Variants in PTPRR observed in about 807,000 individuals in gnomAD.
PTPRR encodes protein tyrosine phosphatase receptor type R.
A neutral mutation model predicts 77.2 loss-of-function variants in PTPRR; 38 were observed. The ratio of observed to expected loss-of-function variants is 0.49; its 90% CI spans 0.38 to 0.65. The LOEUF (loss-of-function observed/expected upper bound fraction) is 0.65, where lower values mean the gene tolerates loss of function less well. Among genes scored for constraint, PTPRR ranks in the 30% least tolerant of loss-of-function variants. The pLI, the probability that PTPRR is intolerant of heterozygous loss-of-function variation, is 0.00. For missense variants in PTPRR, 744 were observed against 799.2 expected, an observed-to-expected ratio of 0.93 and a Z score of 0.83; for synonymous variants, 299 against 283.1, an observed-to-expected ratio of 1.06 and a Z score of -0.57.
intron 1 of PTPRR, among the ~76,000 whole-genome samples, chr12:70,917,240 G>A (rs73333934): frequency 2.1e-4 from 32 of 152,196 alleles, no homozygotes; most frequent in Non-Finnish European, 3.7e-4. Flanking sequence ...TATTAAACTG[G>A]TTCACGAAAG....
intron 13 of PTPRR, among the ~76,000 whole-genome samples, chr12:70,641,968 C>A (rs1368615284): frequency 6.6e-6 from 1 of 152,164 alleles, no homozygotes; most frequent in East Asian, 1.9e-4. Context: ...TATTTCTGTA[C>A]AGCCTGGTTT....
chr12:70,754,745 AG>A, intron 4 of PTPRR: 1 of 1,560,132 alleles, frequency 6.4e-7, no homozygotes, highest in Non-Finnish European at 8.6e-7. Flanking sequence ...TGCAAACAAA[AG>A]CTTGTGGTGC....
At chr12:70,856,805 A>G (rs1053195505) in intron 2 of PTPRR, among the ~76,000 whole-genome samples, 3 of 146,728 alleles carry the variant, frequency 2.0e-5, no homozygotes, top group African/African-American at 7.5e-5. Context: ...AGGCAGGAAG[A>G]GAGAGAGAGA....
intron 2 of PTPRR, among the ~76,000 whole-genome samples, chr12:70,787,850 C>T (rs968124975): frequency 3.3e-5 from 5 of 152,104 alleles, no homozygotes; most frequent in Non-Finnish European, 1.5e-5. Flanking sequence ...GATGTAAACA[C>T]CAGATGCATT....
At chr12:70,830,650 T>C (rs1458630239) in intron 2 of PTPRR, among the ~76,000 whole-genome samples, 2 of 152,234 alleles carry the variant, frequency 1.3e-5, no homozygotes, top group Non-Finnish European at 2.9e-5. Flanking sequence ...GACAACACCA[T>C]TGCCAAACCA....
At chr12:70,759,936 A>G (rs1890655247) in intron 4 of PTPRR, among the ~76,000 whole-genome samples, 1 of 152,136 alleles carries the variant, frequency 6.6e-6, no homozygotes, top group Non-Finnish European at 1.5e-5. Flanking sequence ...TTAGGAGGGC[A>G]TGGCCAAATT....
rs1036748230 is a variant in PTPRR at position 70,804,386 on chromosome 12, T to C, written c.358-39608A>G. ...GCCTTGGCAACATGGCAAAACCCTGTCTCTACCAAAAAATATATAAAAATT... is the reference window on the plus strand; with the variant it reads ...GCCTTGGCAACATGGCAAAACCCTGCCTCTACCAAAAAATATATAAAAATT... On this transcript the variant is annotated intron_variant, in intron 2 of 13. Transcript: ENST00000283228. Among the ~76,000 whole-genome samples the C allele has an allele frequency of 5.9e-5, 9 of 152,042 alleles. No homozygotes were observed. In the East Asian group the frequency reaches 1.5e-3, roughly 26 times the overall value.
In PTPRR at chr12:70,745,269, C is replaced by A. The variant is rs137957182; in HGVS notation, c.1007+549G>T. Reference sequence around the variant, plus strand: ...TCTTGAACTCCTGGCCTCAAGTGATCCACCCACCTCAGCCTCCCAAAGTAC... The same window carrying A: ...TCTTGAACTCCTGGCCTCAAGTGATACACCCACCTCAGCCTCCCAAAGTAC... On this transcript the variant is annotated intron_variant, in intron 6 of 13. Transcript: ENST00000283228. 6.6e-3 allele frequency among the ~76,000 whole-genome samples: 1,011 copies of A among 152,272 alleles called. 12 individuals are homozygous for A. Among genetic ancestry groups the A allele is most frequent in the African/African-American group, 0.023 (950 of 41,542 alleles).
chr12:70,666,605 C>T (rs1028938199), intron 10 of PTPRR, among the ~76,000 whole-genome samples: 2 of 152,120 alleles, frequency 1.3e-5, no homozygotes, highest in African/African-American at 4.8e-5. Flanking sequence ...AAGAAAACTA[C>T]AGTCAAATCA....
chr12:70,685,531 T>C (rs1042349263), intron 8 of PTPRR, among the ~76,000 whole-genome samples: 13 of 149,838 alleles, frequency 8.7e-5, no homozygotes, highest in Non-Finnish European at 1.6e-4. Flanking sequence ...ATGTCTGTGG[T>C]TCCAGCTACT....
intron 6 of PTPRR, among the ~76,000 whole-genome samples, chr12:70,705,620 G>T (rs1006619903): frequency 5.9e-5 from 9 of 151,998 alleles, no homozygotes; most frequent in African/African-American, 2.2e-4. Flanking sequence ...GGTGGCAGCT[G>T]CTTATCTTGA....
chr12:70,910,171 T>C (rs1395305879), intron 1 of PTPRR, among the ~76,000 whole-genome samples: 1 of 152,174 alleles, frequency 6.6e-6, no homozygotes. Context: ...CACATGTTAA[T>C]ACAACTCCTA....
In PTPRR at chr12:70,670,095, T is replaced by G. The variant is rs146595927; in HGVS notation, c.1498-7490A>C. On this transcript the variant is annotated intron_variant, in intron 10 of 13. Coordinates refer to ENST00000283228, the MANE Select transcript of PTPRR (RefSeq NM_002849.4). ...AACCGTTTGCAAAGTACTGAATAAG[T>G]CAATGGGCAAAATGGGGCTTAGAGT... 7.7e-4 allele frequency among the ~76,000 whole-genome samples: 117 copies of G among 152,312 alleles called. 1 individual carries two copies. Among genetic ancestry groups the G allele is most frequent in the African/African-American group, 2.7e-3 (112 of 41,562 alleles).
At chr12:70,820,354 G>T (rs541897749) in intron 2 of PTPRR, among the ~76,000 whole-genome samples, 2 of 152,070 alleles carry the variant, frequency 1.3e-5, no homozygotes, top group African/African-American at 4.8e-5. Flanking sequence ...TGGTGAGATG[G>T]AGTCTCACTC....
chr12:70,643,630 A>G (rs1886090598), intron 13 of PTPRR, among the ~76,000 whole-genome samples: 1 of 152,172 alleles, frequency 6.6e-6, no homozygotes, highest in Non-Finnish European at 1.5e-5. Flanking sequence ...CATCCTCAGG[A>G]GAGCTCTGAC....
chr12:70,916,048 C>G (rs1490998155), intron 1 of PTPRR, among the ~76,000 whole-genome samples: 1 of 151,474 alleles, frequency 6.6e-6, no homozygotes, highest in East Asian at 1.9e-4. Flanking sequence ...GGGGAAACTA[C>G]AATAAAAAAA....
intron 2 of PTPRR, among the ~76,000 whole-genome samples, chr12:70,846,437 TGTTTA>T (rs1161794088): frequency 6.6e-6 from 1 of 152,092 alleles, no homozygotes; most frequent in African/African-American, 2.4e-5. Context: ...AAGACTCACT[TGTTTA>T]TTTTAAGAAA....
chr12:70,751,569 G>T (rs545124973), intron 5 of PTPRR, among the ~76,000 whole-genome samples: 1 of 152,084 alleles, frequency 6.6e-6, no homozygotes, highest in Non-Finnish European at 1.5e-5. Context: ...TCTGCCTAGG[G>T]GTCCTTTACT....
chr12:70,828,848 G>T (rs770582078), intron 2 of PTPRR, among the ~76,000 whole-genome samples: 3 of 152,174 alleles, frequency 2.0e-5, no homozygotes, highest in Non-Finnish European at 4.4e-5. Flanking sequence ...TCTCACATTT[G>T]TGGGGCGGGG....
Sources: gnomAD v4.1 joint callset for allele counts (sites outside exome capture counted in the v4.1 genomes callset) on GRCh38, gnomAD v4.1.1 for gene constraint, MANE v1.5 for transcripts, NCBI Gene and HGNC (gene_info 2026-07-23, HGNC 2026-07-21) for gene names.